Variants in SYNE2 observed in about 807,000 individuals in gnomAD.
SYNE2 encodes the protein nesprin-2.
SYNE2 carries 431 observed loss-of-function variants against 856.3 expected under a neutral mutation model. The observed-to-expected ratio is 0.50, with a 90% confidence interval of 0.47 to 0.55. SYNE2 has a LOEUF of 0.55. Ranked by LOEUF, SYNE2 falls within the 20% of genes least tolerant of loss-of-function variation. The probability of loss-of-function intolerance (pLI) is 0.00; values close to 1 mark genes in which losing one functional copy is unlikely to be tolerated. For synonymous variants in SYNE2, 2,923 were observed against 2,872.3 expected (o/e 1.02, Z -0.56); for missense variants, 8,129 against 8,023.2 (o/e 1.01, Z -0.50).
At chr14:64,122,211 G>A in intron 69 of SYNE2, 75 bp from the exon 70 acceptor site, 1 of 1,613,870 alleles carries the variant, frequency 6.2e-7, no homozygotes, top group Non-Finnish European at 8.5e-7. Context: ...TTTAAAAATT[G>A]CTCATAGAAC....
rs554645703 is a variant in SYNE2 at position 63,902,691 on chromosome 14, T to C, written c.-51-6407T>C. ...CCCTCACTCCTCTTTCTTTCCTTTT[T>C]GTTTTTTTCTTTTTTTTTTGGAGAC... On this transcript the variant is annotated intron_variant, in intron 1 of 115. Transcript: ENST00000555002. Among the ~76,000 whole-genome samples, 13 of 151,900 alleles carry C rather than the reference T, an allele frequency of 8.6e-5. 1 individual carries two copies. The South Asian group carries it at 2.7e-3, about 32-fold the overall frequency.
chr14:64,002,245 T>G (rs1046320061), intron 29 of SYNE2, among the ~76,000 whole-genome samples, 164 bp downstream of exon 29: 1 of 152,226 alleles, frequency 6.6e-6, no homozygotes, highest in African/African-American at 2.4e-5. Flanking sequence ...TCTTAACTCT[T>G]TAATTCCTTG....
At chr14:63,763,664 A>G (rs955786351) in intron 1 of SYNE2, among the ~76,000 whole-genome samples, 1 of 152,158 alleles carries the variant, frequency 6.6e-6, no homozygotes, top group African/African-American at 2.4e-5. Flanking sequence ...AGCCTGGGCA[A>G]CATAGCAAGA....
chr14:63,821,405 C>G (rs1393343568), intron 1 of SYNE2, among the ~76,000 whole-genome samples: 3 of 152,014 alleles, frequency 2.0e-5, no homozygotes, highest in African/African-American at 7.2e-5. Context: ...CCCAAACATC[C>G]TATATAAATA....
rs552325451 is a variant in SYNE2 at position 64,113,912 on chromosome 14, G to A, written c.12840+341G>A. On this transcript the variant is annotated intron_variant, in intron 66 of 115. Transcript: ENST00000555002. The stretch of plus-strand genomic sequence containing the variant: ...TAAATAAGGTATTTAAAGTAGTGTC[G>A]CAGGATTTAAATAAGGTATTTAAAG... Among the ~76,000 whole-genome samples, 11 of 152,078 alleles carry A rather than the reference G, an allele frequency of 7.2e-5. No homozygotes were observed. The East Asian group carries it at 7.7e-4, about 11-fold the overall frequency.
chr14:64,016,336 TA>T, intron 32 of SYNE2, 136 bp from the exon 33 acceptor site: 4 of 607,250 alleles, frequency 6.6e-6, no homozygotes, highest in Non-Finnish European at 1.1e-5. Context: ...AAACGTACTT[TA>T]AAAAAGAACA....
chr14:63,869,648 A>AAC (rs1261572065), intron 1 of SYNE2, among the ~76,000 whole-genome samples: 2 of 151,390 alleles, frequency 1.3e-5, no homozygotes, highest in African/African-American at 2.4e-5. Flanking sequence ...AAAAAAAAAA[A>AAC]AAAAAAAAAA....
intron 1 of SYNE2, among the ~76,000 whole-genome samples, chr14:63,833,391 G>T (rs1014451572): frequency 2.0e-5 from 3 of 151,930 alleles, no homozygotes; most frequent in African/African-American, 7.2e-5. Context: ...TTCTCAAATA[G>T]ATAATATATG....
At chr14:64,152,453 TATATA>T (rs2153704431) in intron 84 of SYNE2, 106 bp from the exon 85 acceptor site, 1 of 1,026,864 alleles carries the variant, frequency 9.7e-7, no homozygotes, top group East Asian at 2.6e-5. Context: ...GCTATTTAAT[TATATA>T]ATCTAATGAC....
chr14:64,068,356 A>T (rs1284755894), intron 51 of SYNE2, among the ~76,000 whole-genome samples: 1 of 152,130 alleles, frequency 6.6e-6, no homozygotes, highest in East Asian at 1.9e-4. Context: ...CCATTTCCAG[A>T]ATGTCATATC....
intron 99 of SYNE2, among the ~76,000 whole-genome samples, chr14:64,200,134 AG>A (rs2098555717): frequency 6.6e-6 from 1 of 152,234 alleles, no homozygotes; most frequent in Non-Finnish European, 1.5e-5. Flanking sequence ...AATTGCTTTA[AG>A]TTAGAAGAGA....
chr14:64,221,808 T>G, intron 112 of SYNE2, 104 bp downstream of exon 112: 1 of 1,392,692 alleles, frequency 7.2e-7, no homozygotes, highest in Non-Finnish European at 1.0e-6. Context: ...ACTGTGCCAG[T>G]GGTGTTTGCC....
At chr14:63,909,981 G>T (rs1475046912) in intron 2 of SYNE2, among the ~76,000 whole-genome samples, 1 of 152,148 alleles carries the variant, frequency 6.6e-6, no homozygotes, top group Admixed American at 6.5e-5. Flanking sequence ...AGTGCTTCTT[G>T]TGGAGTTTGG....
chr14:64,107,349 A>C (rs1460136811), intron 64 of SYNE2, 142 bp from the exon 65 acceptor site: 1 of 758,256 alleles, frequency 1.3e-6, no homozygotes, highest in Non-Finnish European at 2.3e-6. Flanking sequence ...TAATGAACAA[A>C]CTTTTTTCTA....
chr14:64,138,403 A>C (rs940674162), intron 79 of SYNE2, among the ~76,000 whole-genome samples: 9 of 151,512 alleles, frequency 5.9e-5, no homozygotes, highest in Non-Finnish European at 1.2e-4. Flanking sequence ...GGCTAATTTT[A>C]TAAAATTTTT....
At chr14:63,864,743 T>TG (rs1365336437) in intron 1 of SYNE2, among the ~76,000 whole-genome samples, 1 of 152,014 alleles carries the variant, frequency 6.6e-6, no homozygotes, top group Non-Finnish European at 1.5e-5. Flanking sequence ...GGACTGGGAG[T>TG]GGGGGTAAAA....
At chr14:63,794,890 T>G (rs1442860818) in intron 1 of SYNE2, among the ~76,000 whole-genome samples, 1 of 152,176 alleles carries the variant, frequency 6.6e-6, no homozygotes, top group East Asian at 1.9e-4. Flanking sequence ...TATGACCCAA[T>G]AATTCTACTC....
chr14:64,061,655 TTTCTC>T (rs1471516429), intron 49 of SYNE2, among the ~76,000 whole-genome samples: 4 of 152,246 alleles, frequency 2.6e-5, no homozygotes, highest in African/African-American at 9.6e-5. Flanking sequence ...TCATTCATGT[TTTCTC>T]TTCTGTAAAA....
At chr14:64,114,248 A>G (rs1445041080) in intron 66 of SYNE2, among the ~76,000 whole-genome samples, 1 of 152,090 alleles carries the variant, frequency 6.6e-6, no homozygotes, top group Admixed American at 6.5e-5. Flanking sequence ...TGGGGTTTCT[A>G]ATCCCTCCAG....
Sources: allele counts gnomAD v4.1 joint callset (sites outside exome capture counted in the v4.1 genomes callset), GRCh38; gene constraint gnomAD v4.1.1; transcripts MANE v1.5; gene names NCBI Gene and HGNC (gene_info 2026-07-23, HGNC 2026-07-21).